CCR3: variants seen among roughly 807,000 people sequenced by gnomAD.
CCR3 encodes the protein C-C chemokine receptor type 3.
For missense variants in CCR3, 419 were observed against 437.5 expected (o/e 0.96, Z 0.38); for synonymous variants, 203 against 179.2 (o/e 1.13, Z -1.06).
rs10662192 is a variant in CCR3 at position 46,242,982 on chromosome 3, C to CATATAT, written c.-12+460_-12+465dup. ...ATATGTGTATATATATATATATACA[C>CATATAT]ATATATATATATATATATATACGCA... On this transcript the variant is annotated intron_variant, in intron 1 of 1. Transcript: ENST00000395940. 8.0e-3 allele frequency among the ~76,000 whole-genome samples: 794 copies of CATATAT among 99,158 alleles called. 15 individuals carry two copies. The highest frequency in any genetic ancestry group is 0.02 in the African/African-American group (432 of 21,672). The allele number at this position is 99,158 out of a possible 152,430, so 65.1% of individuals were successfully genotyped here.
intron 2 of CCR3, among the ~76,000 whole-genome samples, chr3:46,236,702 G>A (rs575431164): frequency 6.6e-5 from 10 of 152,332 alleles, no homozygotes; most frequent in African/African-American, 2.2e-4. Context: ...GAGTTTCCCA[G>A]CAGCATTGGA....
intron 2 of CCR3, among the ~76,000 whole-genome samples, chr3:46,221,497 G>A (rs554813751): frequency 9.2e-5 from 14 of 152,242 alleles, no homozygotes; most frequent in Admixed American, 2.0e-4. Context: ...CATGCCCCCC[G>A]CAGCCCAATC....
At chr3:46,256,069 T>C (rs569711840) in intron 1 of CCR3, among the ~76,000 whole-genome samples, 1 of 152,338 alleles carries the variant, frequency 6.6e-6, no homozygotes, top group South Asian at 2.1e-4. Context: ...ATCTATGATT[T>C]CTTTCAGCAG....
intron 2 of CCR3, among the ~76,000 whole-genome samples, chr3:46,235,641 T>G (rs1700016289): frequency 6.6e-6 from 1 of 152,196 alleles, no homozygotes; most frequent in Non-Finnish European, 1.5e-5. Flanking sequence ...AGAAAAAGAC[T>G]TCATCTTACA....
intron 2 of CCR3, among the ~76,000 whole-genome samples, chr3:46,215,048 G>T (rs556012842): frequency 6.6e-6 from 1 of 152,250 alleles, no homozygotes; most frequent in Non-Finnish European, 1.5e-5. Context: ...CAAGAATGGG[G>T]CAGTGGCTCA....
chr3:46,211,947 G>C (rs1169657231), intron 2 of CCR3, among the ~76,000 whole-genome samples: 3 of 152,116 alleles, frequency 2.0e-5, no homozygotes, highest in African/African-American at 7.2e-5. Context: ...AGTTTGTCTA[G>C]GTCTCTGATT....
chr3:46,229,052 G>A (rs978328241), intron 2 of CCR3, among the ~76,000 whole-genome samples: 1 of 152,134 alleles, frequency 6.6e-6, no homozygotes, highest in Non-Finnish European at 1.5e-5. Context: ...GATAGCTTGT[G>A]GGCACATAGG....
rs201974679 is a variant in CCR3 at position 46,265,813 on chromosome 3, T to G, written c.655T>G (p.Tyr219Asp). 2.5e-6 allele frequency: 4 copies of G among 1,613,874 alleles called. No homozygotes were observed. The highest frequency in any genetic ancestry group is 3.4e-6 in the Non-Finnish European group (4 of 1,179,986). Reference sequence around the variant, plus strand: ...CCCTCTGCTCGTTATGGCCATCTGCTACACAGGAATCATCAAAACGCTGCT... The same window carrying G: ...CCCTCTGCTCGTTATGGCCATCTGCGACACAGGAATCATCAAAACGCTGCT... ...VLPLLVMAIC[Y>D]TGIIKTLLRC... The change falls in exon 2 of 2, where the codon TAC (tyrosine) becomes GAC (aspartate). Residue 219 changes from tyrosine (Y) to aspartate (D), a missense_variant. By Grantham distance (160) the Tyr-to-Asp change is radical. Transcript: ENST00000395940.
chr3:46,221,192 G>A (rs1354836292), intron 2 of CCR3, among the ~76,000 whole-genome samples: 2 of 151,804 alleles, frequency 1.3e-5, no homozygotes, highest in African/African-American at 4.9e-5. Flanking sequence ...TATCAGGCAT[G>A]TTGTGCCTGT....
At chr3:46,227,970 G>A (rs1426368498) in intron 2 of CCR3, among the ~76,000 whole-genome samples, 1 of 151,852 alleles carries the variant, frequency 6.6e-6, no homozygotes, top group African/African-American at 2.4e-5. Flanking sequence ...AAGTGTATTC[G>A]TTGTGAAGGT....
intron 2 of CCR3, among the ~76,000 whole-genome samples, chr3:46,233,830 C>T (rs1406694026): frequency 6.6e-6 from 1 of 152,230 alleles, no homozygotes; most frequent in Admixed American, 6.5e-5. Flanking sequence ...GACGGCAGTA[C>T]CATGCCGGAA....
intron 2 of CCR3, among the ~76,000 whole-genome samples, chr3:46,232,525 T>G (rs931876358): frequency 1.3e-5 from 2 of 152,228 alleles, no homozygotes; most frequent in Non-Finnish European, 2.9e-5. Context: ...GGATTGGGCC[T>G]GCCTCAGTAT....
At chr3:46,246,847 A>G (rs1391249631) in intron 1 of CCR3, among the ~76,000 whole-genome samples, 1 of 152,084 alleles carries the variant, frequency 6.6e-6, no homozygotes, top group African/African-American at 2.4e-5. Context: ...GGCTGCTTCA[A>G]GCGGGATTAG....
chr3:46,225,772 C>A (rs1432156238), intron 2 of CCR3, among the ~76,000 whole-genome samples: 3 of 151,914 alleles, frequency 2.0e-5, no homozygotes, highest in Non-Finnish European at 4.4e-5. Flanking sequence ...TGCTTTTTTG[C>A]TTTTGAGTTT....
At chr3:46,243,742 G>C (rs1700141457) in intron 1 of CCR3, among the ~76,000 whole-genome samples, 1 of 152,118 alleles carries the variant, frequency 6.6e-6, no homozygotes, top group Admixed American at 6.5e-5. Context: ...GCTCTTCTGG[G>C]AGAAGAAATA....
intron 1 of CCR3, among the ~76,000 whole-genome samples, chr3:46,264,909 A>G (rs1700588385): frequency 1.3e-5 from 2 of 152,084 alleles, no homozygotes; most frequent in African/African-American, 4.8e-5. Context: ...CCACCACCCC[A>G]CAACATTTCT....
At chr3:46,219,402 A>T (rs1001323996) in intron 2 of CCR3, among the ~76,000 whole-genome samples, 3 of 152,198 alleles carry the variant, frequency 2.0e-5, no homozygotes, top group Non-Finnish European at 4.4e-5. Context: ...GAAAATGACC[A>T]TACTGCCTAA....
intron 1 of CCR3, among the ~76,000 whole-genome samples, chr3:46,264,901 AC>A (rs1266914677): frequency 6.6e-6 from 1 of 152,012 alleles, no homozygotes; most frequent in Non-Finnish European, 1.5e-5. Flanking sequence ...ATTCTTCACC[AC>A]CACCCCACAA....
intron 2 of CCR3, among the ~76,000 whole-genome samples, chr3:46,232,551 C>T (rs1221381795): frequency 1.1e-4 from 16 of 152,182 alleles, no homozygotes; most frequent in Non-Finnish European, 2.2e-4. Context: ...TGTGCTCAGT[C>T]ATTGGAAGCA....
Sources: gnomAD v4.1 joint callset for allele counts (sites outside exome capture counted in the v4.1 genomes callset) on GRCh38, gnomAD v4.1.1 for gene constraint, MANE v1.5 for transcripts, NCBI Gene and HGNC (gene_info 2026-07-23, HGNC 2026-07-21) for gene names.